The following MAGI1 variants were observed in gnomAD, a reference collection of about 807,000 sequenced individuals.
MAGI1 encodes the protein membrane-associated guanylate kinase, WW and PDZ domain-containing protein 1.
MAGI1 carries 58 observed loss-of-function variants against 139.9 expected under a neutral mutation model. That is an observed-to-expected ratio of 0.41 (90% CI 0.34 to 0.52). The LOEUF (loss-of-function observed/expected upper bound fraction) is 0.52, where lower values mean the gene tolerates loss of function less well. MAGI1 is among the 20% of genes least tolerant of loss of function. MAGI1 has a pLI of 0.12. For missense variants in MAGI1, 1,874 were observed against 1,901.6 expected (o/e 0.99, Z 0.27); for synonymous variants, 812 against 737.9 (o/e 1.10, Z -1.63).
At chr3:65,433,204 CAG>C (rs1266657743) in intron 10 of MAGI1, among the ~76,000 whole-genome samples, 7 of 152,162 alleles carry the variant, frequency 4.6e-5, no homozygotes, top group African/African-American at 1.7e-4. Context: ...TAAAAGCACA[CAG>C]AAATGATATT....
intron 1 of MAGI1, among the ~76,000 whole-genome samples, chr3:65,644,638 T>C (rs1462651787): frequency 1.3e-5 from 2 of 152,122 alleles, no homozygotes; most frequent in Non-Finnish European, 2.9e-5. Context: ...AAAAGCTCAG[T>C]TGATAGGCTC....
At chr3:65,749,839 T>C (rs1321548091) in intron 1 of MAGI1, among the ~76,000 whole-genome samples, 5 of 151,984 alleles carry the variant, frequency 3.3e-5, no homozygotes, top group Non-Finnish European at 7.4e-5. Flanking sequence ...GGCCTCAAGA[T>C]ATGTTCTGGA....
Position 66,038,163 on chromosome 3 carries a change from G to C in MAGI1, c.146C>G (p.Ala49Gly). 6.2e-7 allele frequency: 1 copy of C among 1,611,822 alleles called. No individual in the cohort carries two copies. The highest frequency in any genetic ancestry group is 1.3e-5 in the African/African-American group (1 of 75,000). The change falls in exon 1 of 23, where the codon GCG (alanine) becomes GGG (glycine). Residue 49 changes from alanine to glycine, a missense_variant. This residue lies in a region of MAGI1 where 648 missense variants were observed against 598.1 expected (regional missense o/e 1.08). Transcript: ENST00000402939. ...GEFPYVGAVA[A>G]VEAAGLPGGG... Reference sequence around the variant, plus strand: ...GCCGGGAAGCCCCGCTGCCTCGACCGCCGCCACCGCTCCGACGTACGGAAA... The same window carrying C: ...GCCGGGAAGCCCCGCTGCCTCGACCCCCGCCACCGCTCCGACGTACGGAAA...
At chr3:65,634,579 A>G (rs137973966) in intron 1 of MAGI1, among the ~76,000 whole-genome samples, 1 of 152,352 alleles carries the variant, frequency 6.6e-6, no homozygotes, top group African/African-American at 2.4e-5. Flanking sequence ...TGGGGATAAT[A>G]ATAGTATCTG....
intron 1 of MAGI1, among the ~76,000 whole-genome samples, chr3:65,868,503 A>G (rs2643727): frequency 0.46 from 69,349 of 152,000 alleles, 17,782 homozygotes; most frequent in African/African-American, 0.7. Context: ...GACTCCCTGC[A>G]CCCTGGAAAA....
chr3:65,832,826 T>G (rs1414683036), intron 1 of MAGI1, among the ~76,000 whole-genome samples: 1 of 152,124 alleles, frequency 6.6e-6, no homozygotes, highest in Non-Finnish European at 1.5e-5. Flanking sequence ...AGCAAACCAT[T>G]ATGGATACTA....
At chr3:65,748,619 C>A (rs978265112) in intron 1 of MAGI1, among the ~76,000 whole-genome samples, 5 of 152,208 alleles carry the variant, frequency 3.3e-5, no homozygotes, top group Admixed American at 3.3e-4. Context: ...TAAACACCTA[C>A]TGTGTGCCAC....
At chr3:65,596,653 CT>C (rs774650138) in intron 2 of MAGI1, among the ~76,000 whole-genome samples, 31 of 152,224 alleles carry the variant, frequency 2.0e-4, no homozygotes, top group Non-Finnish European at 3.5e-4. Flanking sequence ...CCATTGCCCC[CT>C]GGTACCCAGG....
chr3:65,747,129 T>C (rs1045752155), intron 1 of MAGI1, among the ~76,000 whole-genome samples: 3 of 152,182 alleles, frequency 2.0e-5, no homozygotes, highest in Non-Finnish European at 2.9e-5. Flanking sequence ...AGTAAGACCG[T>C]GTCTCAGTCA....
chr3:65,756,585 C>T (rs2036584979), intron 1 of MAGI1, among the ~76,000 whole-genome samples: 1 of 152,156 alleles, frequency 6.6e-6, no homozygotes, highest in African/African-American at 2.4e-5. Flanking sequence ...TCTACTGTAA[C>T]AAGTCTTTCA....
chr3:65,774,448 T>C (rs139067209), intron 1 of MAGI1, among the ~76,000 whole-genome samples: 1 of 152,306 alleles, frequency 6.6e-6, no homozygotes, highest in Non-Finnish European at 1.5e-5. Flanking sequence ...GTTTGTTATA[T>C]ATTCAAAATC....
intron 1 of MAGI1, among the ~76,000 whole-genome samples, chr3:65,779,261 C>T (rs968582223): frequency 1.3e-5 from 2 of 152,126 alleles, no homozygotes; most frequent in Non-Finnish European, 2.9e-5. Flanking sequence ...GCTCTGGCAG[C>T]GTTAATGTGA....
At chr3:65,760,932 G>C (rs982695387) in intron 1 of MAGI1, among the ~76,000 whole-genome samples, 2 of 152,198 alleles carry the variant, frequency 1.3e-5, no homozygotes, top group East Asian at 1.9e-4. Flanking sequence ...TTGAAACAAG[G>C]GGTAGAGGTA....
intron 1 of MAGI1, among the ~76,000 whole-genome samples, chr3:66,023,941 T>C (rs2068093471): frequency 6.6e-6 from 1 of 152,158 alleles, no homozygotes; most frequent in Non-Finnish European, 1.5e-5. Flanking sequence ...TGTCAAAATA[T>C]GCTCTCTCCC....
At position 65,371,710 on chromosome 3, in the gene MAGI1, T is replaced by C. The variant is rs138979342; in HGVS notation, c.3196+4035A>G. The stretch of plus-strand genomic sequence containing the variant: ...TCTGCCACTGCTTTATTAACTTAAG[T>C]TGATTTAATAATCAAAACCCTTTGT... On this transcript the variant is annotated intron_variant, in intron 18 of 22. Coordinates refer to ENST00000402939, the MANE Select transcript of MAGI1 (RefSeq NM_001033057.2). Among the ~76,000 whole-genome samples the C allele has an allele frequency of 1.4e-3, 209 of 152,334 alleles. 1 individual carries two copies. The highest frequency in any genetic ancestry group is 4.8e-3 in the African/African-American group (199 of 41,578).
At chr3:65,785,201 T>A (rs1035587666) in intron 1 of MAGI1, among the ~76,000 whole-genome samples, 1 of 148,012 alleles carries the variant, frequency 6.8e-6, no homozygotes, top group Non-Finnish European at 1.5e-5. Flanking sequence ...GTAATTTTTA[T>A]TTAAGGAAGT....
At chr3:65,818,043 A>AGTGTGTGT (rs57082137) in intron 1 of MAGI1, among the ~76,000 whole-genome samples, 1,782 of 149,110 alleles carry the variant, frequency 0.012, 20 homozygotes, top group African/African-American at 0.023. Flanking sequence ...TAAAATTATG[A>AGTGTGTGT]GTGTGTGTGT....
rs962624037 is a variant in MAGI1 at position 65,494,720 on chromosome 3, G to A, written c.431-1089C>T. Among the ~76,000 whole-genome samples the A allele has an allele frequency of 2.6e-5, 4 of 152,176 alleles. No individual in the cohort carries two copies. The South Asian group carries it at 6.2e-4, about 24-fold the overall frequency. ...AATGCAATTAAATAACCGACTATATGTGCCTAGTGGCGCTGAAGTTCTTAG... is the reference window on the plus strand; with the variant it reads ...AATGCAATTAAATAACCGACTATATATGCCTAGTGGCGCTGAAGTTCTTAG... On this transcript the variant is annotated intron_variant, in intron 2 of 22. Transcript: ENST00000402939.
At chr3:65,449,180 G>A (rs898095256) in intron 6 of MAGI1, among the ~76,000 whole-genome samples, 6 of 151,264 alleles carry the variant, frequency 4.0e-5, no homozygotes, top group East Asian at 1.9e-4. Context: ...TGTAAATGAC[G>A]AGTTAATGGA....
Sources: allele counts gnomAD v4.1 joint callset (sites outside exome capture counted in the v4.1 genomes callset), GRCh38; gene constraint gnomAD v4.1.1; regional missense constraint gnomAD v4.1.1; transcripts MANE v1.5; gene names NCBI Gene and HGNC (gene_info 2026-07-23, HGNC 2026-07-21).